DLGAP2: variants seen among roughly 807,000 people sequenced by gnomAD.
DLGAP2 encodes disks large-associated protein 2.
DLGAP2 carries 26 observed loss-of-function variants against 100.3 expected under a neutral mutation model. The observed-to-expected ratio is 0.26, with a 90% CI of 0.19 to 0.36. DLGAP2 has a LOEUF of 0.36. Ranked by LOEUF, DLGAP2 falls within the 10% of genes least tolerant of loss-of-function variation. The probability of loss-of-function intolerance (pLI) is 1.00; values close to 1 mark genes in which losing one functional copy is unlikely to be tolerated. For synonymous variants in DLGAP2, 886 were observed against 630.1 expected, an observed-to-expected ratio of 1.41 and a Z score of -6.08; for missense variants, 1,858 against 1,453.2, an observed-to-expected ratio of 1.28 and a Z score of -4.53.
intron 1 of DLGAP2, among the ~76,000 whole-genome samples, chr8:833,880 G>C (rs956245176): frequency 6.6e-6 from 1 of 152,162 alleles, no homozygotes; most frequent in African/African-American, 2.4e-5. Flanking sequence ...TGACAGGTTG[G>C]ATTATCCTCT....
intron 3 of DLGAP2, among the ~76,000 whole-genome samples, chr8:1,278,163 T>C (rs1799743353): frequency 6.6e-6 from 1 of 152,188 alleles, no homozygotes; most frequent in Non-Finnish European, 1.5e-5. Context: ...AGCAGAGCTG[T>C]GTTCCAGCTC....
chr8:1,337,638 G>A (rs1166706534), intron 3 of DLGAP2, among the ~76,000 whole-genome samples: 3 of 151,866 alleles, frequency 2.0e-5, no homozygotes, highest in South Asian at 2.1e-4. Flanking sequence ...CCAAAAAATG[G>A]TTAGGCAGTG....
intron 4 of DLGAP2, among the ~76,000 whole-genome samples, chr8:1,530,909 G>A (rs6994143): frequency 0.32 from 49,144 of 152,070 alleles, 8,289 homozygotes; most frequent in Middle Eastern, 0.54. Context: ...TCAGCCAGTG[G>A]TGTGATCTGG....
Position 1,453,191 on chromosome 8 carries a change from C to T in DLGAP2, c.107-48175C>T, listed in dbSNP as rs944384142. On this transcript the variant is annotated intron_variant, in intron 3 of 14. Transcript: ENST00000637795. The stretch of plus-strand genomic sequence containing the variant: ...GAGGGCTGGGGTGGCCTACTGAGCC[C>T]AGGATGGAAGGTCTTAGGCACACAG... Among the ~76,000 whole-genome samples, 6 of 151,966 alleles carry T rather than the reference C, an allele frequency of 3.9e-5. No individual in the cohort carries two copies. The South Asian group carries it at 8.3e-4, about 21-fold the overall frequency.
chr8:1,068,773 C>T (rs1803335888), intron 2 of DLGAP2, among the ~76,000 whole-genome samples: 1 of 152,126 alleles, frequency 6.6e-6, no homozygotes, highest in South Asian at 2.1e-4. Context: ...TGGGCCCCTC[C>T]CCAAGTGCTT....
intron 2 of DLGAP2, among the ~76,000 whole-genome samples, chr8:1,193,937 A>G (rs1158108638): frequency 6.6e-6 from 1 of 152,100 alleles, no homozygotes; most frequent in Non-Finnish European, 1.5e-5. Context: ...TTTCGTTCTC[A>G]GTAATTTAAG....
intron 3 of DLGAP2, among the ~76,000 whole-genome samples, chr8:1,472,133 G>C (rs556622189): frequency 6.6e-6 from 1 of 152,210 alleles, no homozygotes; most frequent in Non-Finnish European, 1.5e-5. Context: ...CAGTGAGAAC[G>C]CAGAGCAGGA....
chr8:1,344,140 ACTCGGGGCC>A (rs1801494756), intron 3 of DLGAP2, among the ~76,000 whole-genome samples: 1 of 151,264 alleles, frequency 6.6e-6, no homozygotes, highest in African/African-American at 2.4e-5. Flanking sequence ...GGGTCCGTGT[ACTCGGGGCC>A]CTGTCGTGGG....
intron 1 of DLGAP2, among the ~76,000 whole-genome samples, chr8:890,865 C>G (rs1357508248): frequency 6.6e-6 from 1 of 152,160 alleles, no homozygotes; most frequent in African/African-American, 2.4e-5. Flanking sequence ...CATGACAACC[C>G]TGTTGCATGG....
At chr8:1,578,885 C>T (rs1273353597) in intron 6 of DLGAP2, among the ~76,000 whole-genome samples, 1 of 152,168 alleles carries the variant, frequency 6.6e-6, no homozygotes, top group Admixed American at 6.5e-5. Flanking sequence ...GGCTGATGGC[C>T]CCGTCTGTGG....
chr8:1,190,712 G>A (rs184188747), intron 2 of DLGAP2, among the ~76,000 whole-genome samples: 1 of 152,154 alleles, frequency 6.6e-6, no homozygotes, highest in Non-Finnish European at 1.5e-5. Flanking sequence ...AGAAAGCCAG[G>A]GCCAGAGGTC....
chr8:1,121,668 C>A (rs1389555002), intron 2 of DLGAP2, among the ~76,000 whole-genome samples: 2 of 151,822 alleles, frequency 1.3e-5, no homozygotes, highest in Non-Finnish European at 1.5e-5. Context: ...GTCTTCAGAA[C>A]CCCTGACCAC....
Position 1,501,404 on chromosome 8 carries a change from T to G in DLGAP2, c.145T>G (p.Phe49Val). Residue 49 changes from phenylalanine (F) to valine (V), a missense_variant, in exon 4 of 15, where the codon TTT becomes GTT. Coordinates refer to ENST00000637795, the MANE Select transcript of DLGAP2 (RefSeq NM_001346810.2). The stretch of plus-strand genomic sequence containing the variant: ...AGACTTGGTCCAGCCGGGCATCAGC[T>G]TTCCGGGGCCGGCAGAGGAGGATCT... ...AGDLVQPGIS[F>V]PGPAEEDLDP... 1 of 1,535,824 alleles carries G rather than the reference T, an allele frequency of 6.5e-7. No homozygotes were observed. Among genetic ancestry groups the G allele is most frequent in the Non-Finnish European group, 8.7e-7 (1 of 1,146,730 alleles).
intron 6 of DLGAP2, among the ~76,000 whole-genome samples, chr8:1,586,733 G>T (rs934975290): frequency 1.3e-5 from 2 of 152,226 alleles, no homozygotes; most frequent in Non-Finnish European, 2.9e-5. Flanking sequence ...ACTGCTGCGT[G>T]ACTTTAACAT....
chr8:1,409,899 C>T (rs1295894276), intron 3 of DLGAP2, among the ~76,000 whole-genome samples: 1 of 152,196 alleles, frequency 6.6e-6, no homozygotes, highest in Non-Finnish European at 1.5e-5. Context: ...CACCTGACCC[C>T]GTGGGTCTCC....
chr8:1,155,741 C>G (rs1796771834), intron 2 of DLGAP2, among the ~76,000 whole-genome samples: 1 of 152,202 alleles, frequency 6.6e-6, no homozygotes, highest in African/African-American at 2.4e-5. Context: ...GGCTGCGTCC[C>G]TGGAGCGCGG....
At chr8:1,200,623 T>C (rs1424642657) in intron 2 of DLGAP2, among the ~76,000 whole-genome samples, 1 of 152,162 alleles carries the variant, frequency 6.6e-6, no homozygotes. Flanking sequence ...AAGCGTCACT[T>C]GCGCTGGACG....
At chr8:891,129 A>ACCCCC (rs143905782) in intron 1 of DLGAP2, 1 of 120,130 alleles carries the variant, frequency 8.3e-6, no homozygotes, top group African/African-American at 3.1e-5. Flanking sequence ...TAAATAAGGC[A>ACCCCC]CCCCCCCCCC....
At chr8:1,143,127 G>T (rs1317026994) in intron 2 of DLGAP2, among the ~76,000 whole-genome samples, 1 of 152,164 alleles carries the variant, frequency 6.6e-6, no homozygotes, top group Non-Finnish European at 1.5e-5. Context: ...TCCAGCCAGG[G>T]TTCTCTCCTT....
Sources: allele counts gnomAD v4.1 joint callset (sites outside exome capture counted in the v4.1 genomes callset), GRCh38; gene constraint gnomAD v4.1.1; transcripts MANE v1.5; gene names NCBI Gene and HGNC (gene_info 2026-07-23, HGNC 2026-07-21).